Variants in SEMA6D observed in about 807,000 individuals in gnomAD.
SEMA6D encodes the protein semaphorin-6D.
In SEMA6D, 35 loss-of-function variants were observed where a neutral mutation model predicts 106.6. That is an observed-to-expected ratio of 0.33 (90% CI 0.25 to 0.44). The LOEUF (loss-of-function observed/expected upper bound fraction) is 0.44. Among genes scored for constraint, SEMA6D ranks in the 20% least tolerant of loss-of-function variants. The pLI, the probability that SEMA6D is intolerant of heterozygous loss-of-function variation, is 1.00. For missense variants in SEMA6D, 1,185 were observed against 1,345.9 expected (o/e 0.88, Z 1.87); for synonymous variants, 499 against 487.7 (o/e 1.02, Z -0.31).
chr15:47,298,724 C>CA (rs2035903056), intron 1 of SEMA6D, among the ~76,000 whole-genome samples: 1 of 152,178 alleles, frequency 6.6e-6, no homozygotes, highest in Non-Finnish European at 1.5e-5. Context: ...CCTCCTATTG[C>CA]AAGGGCTTCC....
At chr15:47,321,571 A>G (rs2036924946) in intron 1 of SEMA6D, among the ~76,000 whole-genome samples, 1 of 152,150 alleles carries the variant, frequency 6.6e-6, no homozygotes, top group East Asian at 1.9e-4. Flanking sequence ...TACATTTTTT[A>G]TATTCCACAT....
chr15:47,189,776 T>C (rs1485084073), intron 1 of SEMA6D, among the ~76,000 whole-genome samples: 1 of 152,228 alleles, frequency 6.6e-6, no homozygotes, highest in East Asian at 1.9e-4. Context: ...CAATGATAAA[T>C]AATGATCATT....
rs376562308 is a variant in SEMA6D, at chr15:47,711,117, G to C, written c.-54-48628G>C. Among the ~76,000 whole-genome samples, 4 of 151,762 alleles carry C rather than the reference G, an allele frequency of 2.6e-5. No individual in the cohort carries two copies. In the South Asian group the frequency reaches 8.4e-4, roughly 32 times the overall value. On this transcript the variant is annotated intron_variant, in intron 4 of 19. Coordinates refer to the SEMA6D transcript ENST00000558014. ...GAGGTCAGGAGATCGAGACCATCCC[G>C]GCTAAAACGGTGAAACCCCGTCTCT...
chr15:47,422,165 C>CTTG (rs2041180874), intron 2 of SEMA6D, among the ~76,000 whole-genome samples: 3 of 102,930 alleles, frequency 2.9e-5, no homozygotes, highest in African/African-American at 9.6e-5. Context: ...TTATTTTTTG[C>CTTG]CCGCCCGCCT....
chr15:47,506,635 G>A (rs1030374400), intron 3 of SEMA6D, among the ~76,000 whole-genome samples: 10 of 102,670 alleles, frequency 9.7e-5, no homozygotes, highest in South Asian at 6.2e-4. Context: ...CACACACAGC[G>A]TTATCGACTG....
intron 1 of SEMA6D, chr15:47,272,800 C>G (rs945380525): frequency 7.2e-5 from 11 of 152,352 alleles, no homozygotes; most frequent in Non-Finnish European, 1.3e-4. Context: ...GCTGTGCTCC[C>G]CTGCTAGAAC....
intron 2 of SEMA6D, among the ~76,000 whole-genome samples, chr15:47,434,919 C>A (rs998901000): frequency 1.3e-5 from 2 of 152,062 alleles, no homozygotes; most frequent in Non-Finnish European, 2.9e-5. Flanking sequence ...CACAGCTGGT[C>A]ATCAGAAACA....
At chr15:47,462,980 A>G (rs980208467) in intron 2 of SEMA6D, among the ~76,000 whole-genome samples, 10 of 152,154 alleles carry the variant, frequency 6.6e-5, no homozygotes, top group African/African-American at 2.4e-4. Context: ...ATGCCTGACC[A>G]TAAAGAGACG....
At chr15:47,698,166 T>C (rs1881309912) in intron 4 of SEMA6D, among the ~76,000 whole-genome samples, 1 of 152,124 alleles carries the variant, frequency 6.6e-6, no homozygotes, top group African/African-American at 2.4e-5. Context: ...TGAGATTACA[T>C]ATTTTTTCAT....
intron 4 of SEMA6D, among the ~76,000 whole-genome samples, chr15:47,649,596 C>G (rs2077647168): frequency 6.6e-6 from 1 of 152,158 alleles, no homozygotes; most frequent in South Asian, 2.1e-4. Context: ...GCACTATGAT[C>G]ACACCTGTGA....
At position 47,256,902 on chromosome 15, in the gene SEMA6D, T is replaced by C. The variant is rs182583751; in HGVS notation, c.-239+72484T>C. Among the ~76,000 whole-genome samples the C allele has an allele frequency of 2.4e-3, 366 of 152,168 alleles. 1 individual carries two copies. Among genetic ancestry groups the C allele is most frequent in the African/African-American group, 8.4e-3 (350 of 41,504 alleles). ...AAAAAATGCTAAAATATTGTGTATA[T>C]ATTTATTTGAAGTTTCTATGTATTC... is the stretch of plus-strand genomic sequence containing the variant. On this transcript the variant is annotated intron_variant, in intron 1 of 19. Transcript: ENST00000558014.
At chr15:47,570,216 G>A (rs1433808650) in intron 3 of SEMA6D, among the ~76,000 whole-genome samples, 1 of 152,046 alleles carries the variant, frequency 6.6e-6, no homozygotes, top group Non-Finnish European at 1.5e-5. Context: ...TCCCTGCTCT[G>A]ACTGCCCCAG....
At chr15:47,688,480 AATT>A (rs1338560305) in intron 4 of SEMA6D, among the ~76,000 whole-genome samples, 3 of 152,226 alleles carry the variant, frequency 2.0e-5, no homozygotes, top group African/African-American at 7.2e-5. Context: ...TTCATTCAAC[AATT>A]ATTATTGAAG....
intron 2 of SEMA6D, among the ~76,000 whole-genome samples, chr15:47,422,848 A>G (rs2041216477): frequency 6.6e-6 from 1 of 152,102 alleles, no homozygotes; most frequent in Admixed American, 6.6e-5. Flanking sequence ...TATGCTCTCC[A>G]GAATATTTTT....
chr15:47,507,703 CA>C (rs1473442894), intron 3 of SEMA6D, among the ~76,000 whole-genome samples: 1 of 152,168 alleles, frequency 6.6e-6, no homozygotes, highest in Non-Finnish European at 1.5e-5. Context: ...TGTAGCTTGA[CA>C]ATTACCTCAA....
intron 17 of SEMA6D, chr15:47,767,407 T>C (rs1350860562): frequency 4.4e-6 from 1 of 229,018 alleles, no homozygotes; most frequent in Non-Finnish European, 8.4e-6. Context: ...TGTGAATGTT[T>C]CTTCTGGTCA....
intron 3 of SEMA6D, among the ~76,000 whole-genome samples, chr15:47,490,688 C>T (rs1161539127): frequency 6.6e-6 from 1 of 151,838 alleles, no homozygotes; most frequent in African/African-American, 2.4e-5. Flanking sequence ...ACTAGCGCAG[C>T]AATATTTGTA....
intron 1 of SEMA6D, among the ~76,000 whole-genome samples, chr15:47,317,414 A>T (rs2036725932): frequency 6.6e-6 from 1 of 152,120 alleles, no homozygotes; most frequent in African/African-American, 2.4e-5. Context: ...GAATAAGAAA[A>T]ATAATGTTTT....
intron 1 of SEMA6D, among the ~76,000 whole-genome samples, chr15:47,378,659 C>G (rs1421705741): frequency 6.6e-6 from 1 of 152,194 alleles, no homozygotes; most frequent in Non-Finnish European, 1.5e-5. Context: ...CCTCCAAACC[C>G]TAAGGTGCTA....
Sources: gnomAD v4.1 joint callset for allele counts (sites outside exome capture counted in the v4.1 genomes callset) on GRCh38, gnomAD v4.1.1 for gene constraint, MANE v1.5 for transcripts, NCBI Gene and HGNC (gene_info 2026-07-23, HGNC 2026-07-21) for gene names.